The following PARL variants were observed in gnomAD, a reference collection of about 807,000 sequenced individuals.
The protein encoded by PARL is presenilin associated rhomboid like.
PARL carries 44 observed loss-of-function variants against 51.6 expected under a neutral mutation model. That is an observed-to-expected ratio of 0.85 (90% confidence interval 0.67 to 1.10). The LOEUF (loss-of-function observed/expected upper bound fraction) is 1.10, where lower values mean the gene tolerates loss of function less well. Among genes scored for constraint, PARL ranks in the 50% least tolerant of loss-of-function variants. PARL has a pLI of 0.00. For synonymous variants in PARL, 172 were observed against 164.0 expected (o/e 1.05, Z -0.37); for missense variants, 441 against 469.5 (o/e 0.94, Z 0.56).
chr3:183,829,512 A>G lies in PARL; in HGVS notation c.*86T>C. On this transcript the variant is annotated 3_prime_UTR_variant, in exon 10 of 10. Coordinates refer to ENST00000317096, the MANE Select transcript of PARL (RefSeq NM_018622.7). ...CAGATGCTGGCATCTTCCAGACGGGAGCATAGCCATGGTCACTCTAGCCGA... is the reference window on the plus strand; with the variant it reads ...CAGATGCTGGCATCTTCCAGACGGGGGCATAGCCATGGTCACTCTAGCCGA... 2.5e-6 allele frequency: 4 copies of G among 1,613,292 alleles called. No homozygotes were observed. Among genetic ancestry groups the G allele is most frequent in the South Asian group, 1.1e-5 (1 of 91,014 alleles).
chr3:183,862,190 G>A (rs538105502), intron 4 of PARL, among the ~76,000 whole-genome samples: 4 of 152,286 alleles, frequency 2.6e-5, no homozygotes, highest in African/African-American at 9.6e-5. Flanking sequence ...AAGTTATCAT[G>A]GTGACATGCA....
intron 1 of PARL, among the ~76,000 whole-genome samples, chr3:183,882,661 A>T (rs1734701552): frequency 6.6e-6 from 1 of 152,186 alleles, no homozygotes; most frequent in Admixed American, 6.5e-5. Context: ...AAGGCCAGAT[A>T]GAAGATATTT....
At chr3:183,834,104 C>T (rs1253559208) in intron 7 of PARL, among the ~76,000 whole-genome samples, 3 of 152,218 alleles carry the variant, frequency 2.0e-5, no homozygotes, top group Middle Eastern at 3.2e-3. Context: ...GCGTGTCATG[C>T]GCATCTTTCA....
chr3:183,862,683 G>A, intron 4 of PARL, 70 bp downstream of exon 4: 3 of 1,177,206 alleles, frequency 2.5e-6, no homozygotes, highest in South Asian at 2.4e-5. Context: ...GCCATTGCTT[G>A]TGACATACTG....
chr3:183,872,855 G>A (rs1733370816), intron 1 of PARL, among the ~76,000 whole-genome samples: 1 of 152,130 alleles, frequency 6.6e-6, no homozygotes, highest in Non-Finnish European at 1.5e-5. Flanking sequence ...CTAGAGACGA[G>A]GCAGTCATCT....
chr3:183,870,306 G>A (rs75761426), intron 1 of PARL, among the ~76,000 whole-genome samples: 2 of 143,508 alleles, frequency 1.4e-5, no homozygotes, highest in East Asian at 4.2e-4. Flanking sequence ...AAGTCATTTT[G>A]GAGTTATCTT....
chr3:183,836,331 C>T (rs926435102), intron 7 of PARL, among the ~76,000 whole-genome samples: 2 of 151,246 alleles, frequency 1.3e-5, no homozygotes, highest in Non-Finnish European at 1.5e-5. Flanking sequence ...TGTACAATTC[C>T]ATGGAACGCT....
intron 4 of PARL, chr3:183,856,693 C>G (rs1731221279): frequency 6.6e-6 from 1 of 152,092 alleles, no homozygotes; most frequent in Admixed American, 6.5e-5. Context: ...AATTGCTAAC[C>G]ACAAAAAAGG....
chr3:183,843,353 T>C (rs957615384), intron 5 of PARL: 83 of 941,518 alleles, frequency 8.8e-5, no homozygotes, highest in Admixed American at 6.2e-5. Flanking sequence ...TCATCTGCAC[T>C]AAAAACAAAA....
chr3:183,870,909 A>AT (rs1356880815), intron 1 of PARL, among the ~76,000 whole-genome samples: 10 of 152,154 alleles, frequency 6.6e-5, no homozygotes, highest in African/African-American at 2.4e-4. Context: ...TTCAGTTAAT[A>AT]TATCTCCTCC....
intron 4 of PARL, among the ~76,000 whole-genome samples, chr3:183,848,429 G>C (rs1730203611): frequency 6.6e-6 from 1 of 152,160 alleles, no homozygotes; most frequent in African/African-American, 2.4e-5. Flanking sequence ...TCTTAGTAGA[G>C]ACCGGGTTTC....
intron 1 of PARL, chr3:183,879,901 T>C (rs1347886609): frequency 8.0e-6 from 1 of 125,566 alleles, no homozygotes; most frequent in African/African-American, 2.9e-5. Context: ...TTTTTTTTTT[T>C]TGTATTTTTA....
intron 1 of PARL, among the ~76,000 whole-genome samples, chr3:183,883,306 T>C (rs1261245122): frequency 5.3e-5 from 8 of 152,228 alleles, no homozygotes; most frequent in Non-Finnish European, 1.2e-4. Context: ...TCTCACTCTG[T>C]TGCTCAAGAT....
intron 9 of PARL, 88 bp downstream of exon 9, chr3:183,833,404 A>C: frequency 1.2e-6 from 1 of 826,890 alleles, no homozygotes; most frequent in South Asian, 1.4e-5. Flanking sequence ...TGTCTCTGCC[A>C]TGGGGATGGG....
At chr3:183,872,486 T>G (rs1733327604) in intron 1 of PARL, among the ~76,000 whole-genome samples, 1 of 152,252 alleles carries the variant, frequency 6.6e-6, no homozygotes, top group Admixed American at 6.5e-5. Context: ...TTCATCTATT[T>G]TGGAAAGTTA....
At chr3:183,867,511 T>C (rs1412096383) in intron 2 of PARL, among the ~76,000 whole-genome samples, 4 of 151,892 alleles carry the variant, frequency 2.6e-5, no homozygotes, top group Non-Finnish European at 5.9e-5. Context: ...CCATCCTGGC[T>C]AACAAGGTGA....
At chr3:183,836,896 A>G (rs1230662412) in intron 7 of PARL, among the ~76,000 whole-genome samples, 4 of 152,146 alleles carry the variant, frequency 2.6e-5, no homozygotes, top group African/African-American at 9.7e-5. Flanking sequence ...ACACACCACC[A>G]TGCCCAGCTA....
chr3:183,847,281 G>C (rs542858014), intron 4 of PARL, among the ~76,000 whole-genome samples: 60 of 152,306 alleles, frequency 3.9e-4, no homozygotes, highest in African/African-American at 1.4e-3. Context: ...TGAACGGGCC[G>C]GGTGTGGTGG....
intron 7 of PARL, among the ~76,000 whole-genome samples, chr3:183,838,548 G>T (rs2108599966): frequency 6.6e-6 from 1 of 152,198 alleles, no homozygotes; most frequent in South Asian, 2.1e-4. Flanking sequence ...GACTGAACAG[G>T]AACTACCATG....
Sources: allele counts gnomAD v4.1 joint callset (sites outside exome capture counted in the v4.1 genomes callset), GRCh38; gene constraint gnomAD v4.1.1; transcripts MANE v1.5; gene names NCBI Gene and HGNC (gene_info 2026-07-23, HGNC 2026-07-21).